SS18: variants seen among roughly 807,000 people sequenced by gnomAD.
The protein encoded by SS18 is protein SSXT.
A neutral mutation model predicts 72.5 loss-of-function variants in SS18; 28 were observed. The observed-to-expected ratio is 0.39, with a 90% CI of 0.29 to 0.53. The LOEUF is 0.53. SS18 is among the 20% of genes least tolerant of loss of function. The pLI, the probability that SS18 is intolerant of heterozygous loss-of-function variation, is 0.76. For missense variants in SS18, 518 were observed against 535.3 expected (o/e 0.97, Z 0.32); for synonymous variants, 172 against 164.2 (o/e 1.05, Z -0.37).
At chr18:26,025,447 A>C (rs1221458729) in intron 10 of SS18, among the ~76,000 whole-genome samples, 1 of 152,102 alleles carries the variant, frequency 6.6e-6, no homozygotes, top group Non-Finnish European at 1.5e-5. Context: ...TTTTTGAGAA[A>C]AATGAATAGG....
intron 3 of SS18, among the ~76,000 whole-genome samples, chr18:26,072,810 A>AAAC (rs1472336535): frequency 1.3e-5 from 2 of 151,212 alleles, no homozygotes; most frequent in African/African-American, 4.8e-5. Context: ...AAAAAAAAAA[A>AAAC]AAAAAAAAAA....
At position 26,035,150 on chromosome 18, in the gene SS18, G is replaced by A. The variant is rs1411170558; in HGVS notation, c.974-23C>T. ...TTCCTACAGGATAATTGGAGAAGAG[G>A]AAAAAAAACTGAGAAGTCTGCTTAA... On this transcript the variant is annotated intron_variant, in intron 8 of 10. Transcript: ENST00000415083. The surrounding 1 kb of genome is among the most constrained non-coding windows in gnomAD (Gnocchi z 4.4). The A allele has an allele frequency of 3.8e-6, 6 of 1,598,490 alleles. No individual in the cohort carries two copies. The Admixed American group carries it at 5.3e-5, about 14-fold the overall frequency.
intron 2 of SS18, among the ~76,000 whole-genome samples, chr18:26,079,743 G>C (rs913808859): frequency 6.6e-6 from 1 of 151,886 alleles, no homozygotes; most frequent in Non-Finnish European, 1.5e-5. Flanking sequence ...CCACCACACG[G>C]TGCTAAATTT....
intron 2 of SS18, among the ~76,000 whole-genome samples, chr18:26,086,574 CAT>C (rs890038416): frequency 3.8e-4 from 58 of 152,332 alleles, no homozygotes; most frequent in African/African-American, 1.3e-3. Flanking sequence ...TAAAATCACA[CAT>C]GTGGCTCCCA....
intron 10 of SS18, among the ~76,000 whole-genome samples, chr18:26,028,045 A>C (rs1326063619): frequency 6.6e-6 from 1 of 152,156 alleles, no homozygotes; most frequent in Non-Finnish European, 1.5e-5. Flanking sequence ...TGTGCAAATG[A>C]TACCTGATTA....
intron 5 of SS18, among the ~76,000 whole-genome samples, chr18:26,048,713 G>C (rs138384136): frequency 3.9e-5 from 6 of 152,156 alleles, no homozygotes; most frequent in African/African-American, 1.4e-4. Flanking sequence ...TAACCAAAGA[G>C]TACACTGACA....
chr18:26,016,801 C>G lies in SS18; in HGVS notation c.*1553G>C. On this transcript the variant is annotated 3_prime_UTR_variant, in exon 11 of 11. Transcript: ENST00000415083. ...TGAAACACACAAACACACACTCTCT[C>G]TCTCATACACACACAGAGACCCACT... 1 of 231,956 alleles carries G rather than the reference C, an allele frequency of 4.3e-6. No individual in the cohort carries two copies. The highest frequency in any genetic ancestry group is 8.5e-6 in the Non-Finnish European group (1 of 117,008). The allele number at this position is 231,956 out of a possible 1,614,324, so 14.4% of individuals were successfully genotyped here.
At chr18:26,027,090 T>C (rs2053458581) in intron 10 of SS18, among the ~76,000 whole-genome samples, 1 of 152,210 alleles carries the variant, frequency 6.6e-6, no homozygotes, top group Non-Finnish European at 1.5e-5. Context: ...ACTGACAAGC[T>C]GATTCTAAAA....
chr18:26,032,358 A>G, intron 10 of SS18, 41 bp downstream of exon 10: 1 of 1,603,826 alleles, frequency 6.2e-7, no homozygotes, highest in Non-Finnish European at 8.5e-7. Flanking sequence ...TCGAGAGTGA[A>G]GAAACAATGT....
intron 1 of SS18, chr18:26,089,633 C>T (rs7505331): frequency 0.18 from 28,014 of 152,214 alleles, 3,874 homozygotes; most frequent in African/African-American, 0.37. Context: ...GCCTTGCTTG[C>T]AGGCAACAAG....
In SS18 at chr18:26,060,882, G is replaced by C. The variant is rs1301217733; in HGVS notation, c.232-3140C>G. Among the ~76,000 whole-genome samples the C allele has an allele frequency of 4.0e-5, 6 of 150,438 alleles. No individual in the cohort carries two copies. In the East Asian group the frequency reaches 9.7e-4, roughly 24 times the overall value. ...GAGAAACGAGAATCGCTTGCACCTG[G>C]GAGGTGGAGGCTGCAGTGAGCTGAG... On this transcript the variant is annotated intron_variant, in intron 3 of 10. Coordinates refer to ENST00000415083, the MANE Select transcript of SS18 (RefSeq NM_001007559.3).
intron 1 of SS18, 96 bp downstream of exon 1, chr18:26,090,405 C>CT (rs1358673734): frequency 6.9e-6 from 9 of 1,299,324 alleles, no homozygotes; most frequent in African/African-American, 1.5e-5. Flanking sequence ...CCGCCTCCGC[C>CT]TCGGCCCGGT....
intron 3 of SS18, among the ~76,000 whole-genome samples, chr18:26,073,641 C>G (rs1478139425): frequency 2.0e-5 from 3 of 152,166 alleles, no homozygotes; most frequent in Non-Finnish European, 2.9e-5. Context: ...CTGGCTGCCA[C>G]ACACTTGCAG....
At chr18:26,054,441 G>GTA (rs1255270932) in intron 4 of SS18, among the ~76,000 whole-genome samples, 1 of 151,944 alleles carries the variant, frequency 6.6e-6, no homozygotes, top group African/African-American at 2.4e-5. Context: ...ATATATATGT[G>GTA]TATATATATT....
chr18:26,065,824 T>TATATATA (rs10527527), intron 3 of SS18, among the ~76,000 whole-genome samples: 6 of 136,720 alleles, frequency 4.4e-5, no homozygotes, highest in Non-Finnish European at 9.6e-5. Flanking sequence ...TATATATATA[T>TATATATA]GATCATTTTA....
intron 3 of SS18, among the ~76,000 whole-genome samples, chr18:26,065,823 A>ATATATATATATATATATATG (rs1283039516): frequency 2.1e-5 from 3 of 143,328 alleles, no homozygotes; most frequent in East Asian, 4.1e-4. Flanking sequence ...ATATATATAT[A>ATATATATATATATATATATG]TGATCATTTT....
intron 3 of SS18, among the ~76,000 whole-genome samples, chr18:26,062,442 C>G (rs1173112604): frequency 1.3e-5 from 2 of 151,900 alleles, no homozygotes; most frequent in African/African-American, 4.8e-5. Flanking sequence ...TAAAGATGTA[C>G]ACTGTAAAAT....
At chr18:26,051,168 T>C (rs946172205) in intron 5 of SS18, among the ~76,000 whole-genome samples, 4 of 152,132 alleles carry the variant, frequency 2.6e-5, no homozygotes, top group Admixed American at 2.6e-4. Flanking sequence ...AGACATTGTT[T>C]CTATTCTTTT....
Position 26,035,177 on chromosome 18 carries a change from T to C in SS18, c.974-50A>G. On this transcript the variant is annotated intron_variant, in intron 8 of 10. Transcript: ENST00000415083. The surrounding 1 kb of genome is among the most constrained non-coding windows in gnomAD (Gnocchi z 4.4). The stretch of plus-strand genomic sequence containing the variant: ...AAAAAAACTGAGAAGTCTGCTTAAG[T>C]AACTTTTTTCCCTCTAAGATGCATA... 1.3e-6 allele frequency: 2 copies of C among 1,599,354 alleles called. No homozygotes were observed. The highest frequency in any genetic ancestry group is 8.5e-7 in the Non-Finnish European group (1 of 1,171,302).
Sources: gnomAD v4.1 joint callset for allele counts (sites outside exome capture counted in the v4.1 genomes callset) on GRCh38, gnomAD v4.1.1 for gene constraint, Gnocchi (gnomAD v3.1) non-coding constraint, MANE v1.5 for transcripts, NCBI Gene and HGNC (gene_info 2026-07-23, HGNC 2026-07-21) for gene names.